The following SENP1 variants were observed in gnomAD, a reference collection of about 807,000 sequenced individuals.
SENP1 encodes the protein SUMO specific peptidase 1, also known as sentrin-specific protease 1.
A neutral mutation model predicts 93.0 loss-of-function variants in SENP1; 21 were observed. The observed-to-expected ratio is 0.23, with a 90% CI of 0.16 to 0.33. The LOEUF is 0.33. Among genes scored for constraint, SENP1 ranks in the 10% least tolerant of loss-of-function variants. The pLI is 1.00. For missense variants in SENP1, 591 were observed against 758.7 expected (o/e 0.78, Z 2.60); for synonymous variants, 256 against 259.6 (o/e 0.99, Z 0.13).
At chr12:48,101,754 C>A (rs1459692972) in intron 1 of SENP1, among the ~76,000 whole-genome samples, 1 of 152,200 alleles carries the variant, frequency 6.6e-6, no homozygotes, top group East Asian at 1.9e-4. Flanking sequence ...CGCACAGAAT[C>A]ACAGAATATT....
chr12:48,046,248 A>G, intron 17 of SENP1, 108 bp downstream of exon 17: 5 of 696,014 alleles, frequency 7.2e-6, no homozygotes, highest in Admixed American at 2.3e-5. Flanking sequence ...GAAGCATGCT[A>G]AAGGTTAGGG....
intron 6 of SENP1, among the ~76,000 whole-genome samples, chr12:48,076,644 T>TTG (rs1944107113): frequency 1.2e-5 from 1 of 86,490 alleles, no homozygotes; most frequent in Non-Finnish European, 2.7e-5. Flanking sequence ...TAGTTTTTGC[T>TTG]TTTTTTTTTT....
chr12:48,076,937 G>A (rs1478614602), intron 6 of SENP1, among the ~76,000 whole-genome samples: 4 of 152,150 alleles, frequency 2.6e-5, no homozygotes, highest in African/African-American at 9.7e-5. Context: ...GAGCCACGGC[G>A]CCCAGCCACC....
chr12:48,081,411 ATGTCAAAAAAAATTTTTT>A (rs1475100271), intron 6 of SENP1: 7 of 152,060 alleles, frequency 4.6e-5, no homozygotes, highest in South Asian at 2.1e-4. Context: ...AATTTGTGTA[ATGTCAAAAAAAATTTTTT>A]TGTTAAAAAA....
intron 4 of SENP1, among the ~76,000 whole-genome samples, chr12:48,092,355 A>G (rs1945276047): frequency 6.6e-6 from 1 of 152,256 alleles, no homozygotes; most frequent in African/African-American, 2.4e-5. Context: ...AGGAGAGAGC[A>G]TAATTGGAAT....
intron 12 of SENP1, 122 bp downstream of exon 12, chr12:48,064,943 A>C (rs1592346068): frequency 1.0e-5 from 7 of 676,124 alleles, no homozygotes; most frequent in South Asian, 3.9e-5. Flanking sequence ...TCCCAAAGTG[A>C]TGGGATTACA....
intron 4 of SENP1, among the ~76,000 whole-genome samples, chr12:48,090,879 T>C (rs1009368671): frequency 6.6e-6 from 1 of 152,138 alleles, no homozygotes; most frequent in Non-Finnish European, 1.5e-5. Context: ...ACTGAGATAA[T>C]ACAAGTGAGC....
intron 13 of SENP1, among the ~76,000 whole-genome samples, chr12:48,049,760 C>T (rs562692796): frequency 6.6e-6 from 1 of 152,260 alleles, no homozygotes; most frequent in African/African-American, 2.4e-5. Flanking sequence ...TGGAAAAACA[C>T]CTGTAAACTG....
chr12:48,055,052 T>C (rs1002509402), intron 13 of SENP1: 8 of 219,934 alleles, frequency 3.6e-5, no homozygotes, highest in Non-Finnish European at 6.7e-5. Flanking sequence ...ATCTGCAGTA[T>C]ACAATGTTTA....
chr12:48,056,258 T>C (rs1942310498), intron 13 of SENP1, among the ~76,000 whole-genome samples: 1 of 117,332 alleles, frequency 8.5e-6, no homozygotes, highest in Non-Finnish European at 1.6e-5. Context: ...ATATATTTTA[T>C]ATATTACTTA....
intron 6 of SENP1, among the ~76,000 whole-genome samples, chr12:48,076,228 G>A (rs1369444558): frequency 6.6e-6 from 1 of 152,192 alleles, no homozygotes; most frequent in African/African-American, 2.4e-5. Flanking sequence ...GTCAGTGTTA[G>A]CACCATCTCG....
chr12:48,102,223 A>G (rs920915128), intron 1 of SENP1, among the ~76,000 whole-genome samples: 2 of 152,242 alleles, frequency 1.3e-5, no homozygotes, highest in South Asian at 4.1e-4. Flanking sequence ...AAGGAGGTCA[A>G]GACTTGGAGG....
chr12:48,104,270 GGGGC>G (rs1465658814), intron 1 of SENP1, among the ~76,000 whole-genome samples: 151 of 64,254 alleles, frequency 2.4e-3, no homozygotes, highest in Non-Finnish European at 3.9e-3. Flanking sequence ...GGGGGGGGGG[GGGGC>G]GGAGGGAGGG....
At chr12:48,051,665 T>C (rs768298298) in intron 13 of SENP1, among the ~76,000 whole-genome samples, 1 of 152,136 alleles carries the variant, frequency 6.6e-6, no homozygotes, top group African/African-American at 2.4e-5. Context: ...GGGCTGAAGA[T>C]GAAGGAAAAA....
At chr12:48,055,091 A>C (rs968184072) in intron 13 of SENP1, 1 of 224,508 alleles carries the variant, frequency 4.5e-6, no homozygotes, top group Admixed American at 4.2e-5. Context: ...TCGCCGTGGT[A>C]TTTTCTTTTA....
chr12:48,056,707 C>G (rs796123173), intron 13 of SENP1, among the ~76,000 whole-genome samples: 1 of 69,062 alleles, frequency 1.4e-5, no homozygotes. Context: ...TAATATATTA[C>G]ATATTACATA....
At chr12:48,059,145 T>G (rs1436617493) in intron 13 of SENP1, among the ~76,000 whole-genome samples, 3 of 152,186 alleles carry the variant, frequency 2.0e-5, no homozygotes, top group Non-Finnish European at 4.4e-5. Flanking sequence ...CAGTTCAGTT[T>G]TCAAATTTGG....
At chr12:48,080,165 T>C (rs1565784488) in intron 6 of SENP1, 1 of 152,228 alleles carries the variant, frequency 6.6e-6, no homozygotes, top group African/African-American at 2.4e-5. Context: ...CAGAAATTTC[T>C]GTAGTAATAG....
chr12:48,089,349 G>T, intron 4 of SENP1: 1 of 1,317,764 alleles, frequency 7.6e-7, no homozygotes, highest in Non-Finnish European at 9.9e-7. Flanking sequence ...AGTGAGAATT[G>T]TAATTCAAAT....
Sources: allele counts gnomAD v4.1 joint callset (sites outside exome capture counted in the v4.1 genomes callset), GRCh38; gene constraint gnomAD v4.1.1; transcripts MANE v1.5; gene names NCBI Gene and HGNC (gene_info 2026-07-23, HGNC 2026-07-21).